Variants in ZNF627 observed in about 807,000 individuals in gnomAD.
ZNF627 encodes zinc finger protein 627.
Under a neutral mutation model 10.6 loss-of-function variants are expected in ZNF627, and 12 were observed. The observed-to-expected ratio is 1.13, with a 90% confidence interval of 0.73 to 1.84. The LOEUF is 1.84. Among genes scored for constraint, ZNF627 ranks in the 40% most tolerant of loss-of-function variants. The probability of loss-of-function intolerance (pLI) is 0.00; values close to 1 mark genes in which losing one functional copy is unlikely to be tolerated. For missense variants in ZNF627, 504 were observed against 568.4 expected, an observed-to-expected ratio of 0.89 and a Z score of 1.15; for synonymous variants, 176 against 187.1, an observed-to-expected ratio of 0.94 and a Z score of 0.48.
At chr19:11,604,365 G>A (rs1220953046) in intron 1 of ZNF627, 3 of 152,172 alleles carry the variant, frequency 2.0e-5, no homozygotes, top group Non-Finnish European at 2.9e-5. Context: ...GGACTCCCAG[G>A]TATCCTGTCC....
chr19:11,615,862 C>A (rs140197218), intron 3 of ZNF627, among the ~76,000 whole-genome samples: 1 of 149,050 alleles, frequency 6.7e-6, no homozygotes, highest in Non-Finnish European at 1.5e-5. Flanking sequence ...GGATTACAGG[C>A]GCCTGCCACC....
At chr19:11,616,671 T>G in intron 3 of ZNF627, 24 bp from the exon 4 acceptor site, 1 of 1,435,798 alleles carries the variant, frequency 7.0e-7, no homozygotes, top group Admixed American at 2.2e-5. Context: ...ACATTAATAA[T>G]GTACTTCTCA....
At chr19:11,605,080 C>CTTTTTTTTT (rs1006143184) in intron 1 of ZNF627, among the ~76,000 whole-genome samples, 41 of 105,906 alleles carry the variant, frequency 3.9e-4, no homozygotes, top group African/African-American at 7.5e-4. Flanking sequence ...TTCTTTCTTT[C>CTTTTTTTTT]TTTTTTTTTT....
In ZNF627 at chr19:11,617,638, C is replaced by A; in HGVS notation, c.1135C>A (p.Arg379=). The A allele has an allele frequency of 1.9e-6, 3 of 1,613,296 alleles. No individual in the cohort carries two copies. The highest frequency in any genetic ancestry group is 2.5e-6 in the Non-Finnish European group (3 of 1,179,832). Residue 379 remains arginine (R), a synonymous_variant, in exon 4 of 4, where the codon CGA becomes AGA. Coordinates refer to ENST00000361113, the MANE Select transcript of ZNF627 (RefSeq NM_145295.4). ...AGCCTTCAGTTGTTCCAGTTCGTTTCGAAAACATGAAAGAATTCACACTGG... is the reference window on the plus strand; with the variant it reads ...AGCCTTCAGTTGTTCCAGTTCGTTTAGAAAACATGAAAGAATTCACACTGG... ...GKAFSCSSSF[R]KHERIHTGEK...
At chr19:11,611,661 T>C (rs887280728) in intron 1 of ZNF627, among the ~76,000 whole-genome samples, 2 of 152,228 alleles carry the variant, frequency 1.3e-5, no homozygotes, top group African/African-American at 4.8e-5. Flanking sequence ...ACCATCCCAT[T>C]CTATAAAATA....
At chr19:11,607,856 TC>T (rs1321497602) in intron 1 of ZNF627, among the ~76,000 whole-genome samples, 1 of 152,162 alleles carries the variant, frequency 6.6e-6, no homozygotes, top group Admixed American at 6.6e-5. Flanking sequence ...TCCAAACTGT[TC>T]CAACCCTTGC....
Position 11,618,209 on chromosome 19 carries a change from C to G in ZNF627, c.*320C>G, listed in dbSNP as rs1236010672. 7.8e-6 allele frequency: 2 copies of G among 256,882 alleles called. No homozygotes were observed. Among genetic ancestry groups the G allele is most frequent in the South Asian group, 2.4e-4 (2 of 8,432 alleles). The allele number at this position is 256,882 out of a possible 1,614,324, so 15.9% of individuals were successfully genotyped here. A position where few individuals can be genotyped will look rare whatever the true frequency, so the allele number is the denominator to read the frequency against. ...GGAAGTAAGTTAAGAAGGCATTAGT[C>G]ATGGTTTGGAAGCACCATACAGGGA... On this transcript the variant is annotated 3_prime_UTR_variant, in exon 4 of 4. Coordinates refer to ENST00000361113, the MANE Select transcript of ZNF627 (RefSeq NM_145295.4).
chr19:11,610,147 G>C (rs1376170886), intron 1 of ZNF627, among the ~76,000 whole-genome samples: 1 of 150,648 alleles, frequency 6.6e-6, no homozygotes, highest in Non-Finnish European at 1.5e-5. Flanking sequence ...CGCCTCCCGG[G>C]TTCAAGCAAT....
chr19:11,617,027 C>T lies in ZNF627; in HGVS notation c.524C>T (p.Thr175Ile), dbSNP rs1599665581. 1.2e-6 allele frequency: 2 copies of T among 1,614,036 alleles called. No homozygotes were observed. Among genetic ancestry groups the T allele is most frequent in the African/African-American group, 2.7e-5 (2 of 75,040 alleles). Residue 175 changes from threonine (T) to isoleucine (I), a missense_variant, in exon 4 of 4, where the codon ACC becomes ATC. Coordinates refer to ENST00000361113, the MANE Select transcript of ZNF627 (RefSeq NM_145295.4). ...KPYDCKECGE[T>I]FISLVSIRRH... is the part of the protein sequence containing the mutation. ...TATGATTGTAAGGAATGTGGAGAAA[C>T]CTTTATTTCTCTTGTAAGCATTCGA...
chr19:11,611,428 A>C (rs1973770296), intron 1 of ZNF627, among the ~76,000 whole-genome samples: 1 of 152,160 alleles, frequency 6.6e-6, no homozygotes, highest in African/African-American at 2.4e-5. Flanking sequence ...TCCTGGGCTC[A>C]AGGAATCCTC....
chr19:11,609,031 C>T (rs1390443287), intron 1 of ZNF627, among the ~76,000 whole-genome samples: 2 of 152,022 alleles, frequency 1.3e-5, no homozygotes, highest in Non-Finnish European at 2.9e-5. Context: ...CCACCATGCT[C>T]AGCTAATATT....
At position 11,617,735 on chromosome 19, in the gene ZNF627, G is replaced by A. The variant is rs757759352; in HGVS notation, c.1232G>A (p.Arg411Lys). 1 of 1,613,478 alleles carries A rather than the reference G, an allele frequency of 6.2e-7. No homozygotes were observed. Among genetic ancestry groups the A allele is most frequent in the African/African-American group, 1.3e-5 (1 of 74,990 alleles). ...TCCAGTTACTTCCGAATCCATGAAA[G>A]AACTCACACTGGAGAGAAACCCTAT... ...SRSSYFRIHE[R>K]THTGEKPYEC... Residue 411 changes from arginine to lysine, a missense_variant, in exon 4 of 4, where the codon AGA becomes AAA. Arg to Lys is a conservative substitution (Grantham distance 26). Transcript: ENST00000361113.
intron 3 of ZNF627, 84 bp from the exon 4 acceptor site, chr19:11,616,611 A>G (rs1385013901): frequency 9.8e-6 from 9 of 922,628 alleles, no homozygotes; most frequent in Non-Finnish European, 1.4e-5. Flanking sequence ...AAAAACAAGT[A>G]TATGTAAGTC....
intron 1 of ZNF627, among the ~76,000 whole-genome samples, chr19:11,602,961 C>T (rs774568319): frequency 7.9e-5 from 12 of 152,142 alleles, no homozygotes; most frequent in Non-Finnish European, 1.3e-4. Context: ...TCTTGTCTCC[C>T]GTCTGTACCC....
In ZNF627 at chr19:11,613,302, T is replaced by C. The variant is rs549306924; in HGVS notation, c.4-1225T>C. The stretch of plus-strand genomic sequence containing the variant: ...CTGGGATTACAGGCATGAGCTACCA[T>C]CCCTGGCCTGAAGGTGGTATCTGTT... On this transcript the variant is annotated intron_variant, in intron 1 of 3. Transcript: ENST00000361113. 2.1e-5 allele frequency among the ~76,000 whole-genome samples: 3 copies of C among 144,546 alleles called. No homozygotes were observed. The Admixed American group carries it at 2.1e-4, about 10-fold the overall frequency. The allele number at this position is 144,546 out of a possible 152,430, so 94.8% of individuals were successfully genotyped here.
intron 3 of ZNF627, among the ~76,000 whole-genome samples, chr19:11,615,667 T>C (rs1199938142): frequency 6.6e-6 from 1 of 151,294 alleles, no homozygotes; most frequent in Admixed American, 6.6e-5. Flanking sequence ...GTTCAGTGTT[T>C]GCAAAATAGT....
chr19:11,617,409 C>G lies in ZNF627; in HGVS notation c.906C>G (p.Thr302=), dbSNP rs368926563. The G allele has an allele frequency of 6.2e-7, 1 of 1,613,664 alleles. No homozygotes were observed. The highest frequency in any genetic ancestry group is 1.1e-5 in the South Asian group (1 of 91,064). The change falls in exon 4 of 4, where the codon ACC becomes ACG. Residue 302 remains threonine, a synonymous_variant. Transcript: ENST00000361113. ...SSVRSHERTH[T]GEKLFECKEC... is the part of the protein sequence containing the mutation. ...TTCGAAGTCACGAGAGGACTCACAC[C>G]GGAGAGAAACTTTTTGAATGTAAGG... is the stretch of plus-strand genomic sequence containing the variant.
rs544743944 is a variant in ZNF627 at position 11,599,046 on chromosome 19, T to C, written c.3+1416T>C. Among the ~76,000 whole-genome samples, 3 of 152,288 alleles carry C rather than the reference T, an allele frequency of 2.0e-5. No individual in the cohort carries two copies. The South Asian group carries it at 6.2e-4, about 32-fold the overall frequency. On this transcript the variant is annotated intron_variant, in intron 1 of 3. Transcript: ENST00000361113. ...TAAAAAAAACAAAAAACAGTGTCTT[T>C]GGGTTGGGGTTCCCCTTTGGAAACT...
At chr19:11,614,106 G>C (rs1973825358) in intron 1 of ZNF627, among the ~76,000 whole-genome samples, 1 of 152,000 alleles carries the variant, frequency 6.6e-6, no homozygotes, top group Admixed American at 6.6e-5. Flanking sequence ...ATTTTTAGTA[G>C]AGATGGGGTT....
Sources: allele counts gnomAD v4.1 joint callset (sites outside exome capture counted in the v4.1 genomes callset), GRCh38; gene constraint gnomAD v4.1.1; transcripts MANE v1.5; gene names NCBI Gene and HGNC (gene_info 2026-07-23, HGNC 2026-07-21).